The following AGBL1 variants were observed in gnomAD, a reference collection of about 807,000 sequenced individuals.
AGBL1 encodes the protein AGBL carboxypeptidase 1.
AGBL1 carries 130 observed loss-of-function variants against 118.9 expected under a neutral mutation model. The ratio of observed to expected loss-of-function variants is 1.09; its 90% CI spans 0.95 to 1.26. AGBL1 has a LOEUF of 1.26. AGBL1 is among the 50% of genes most tolerant of loss of function. The pLI, the probability that AGBL1 is intolerant of heterozygous loss-of-function variation, is 0.00. For synonymous variants in AGBL1, 555 were observed against 478.9 expected (o/e 1.16, Z -2.08); for missense variants, 1,584 against 1,298.1 (o/e 1.22, Z -3.38).
chr15:86,824,406 C>G (rs1442556559), intron 22 of AGBL1, among the ~76,000 whole-genome samples: 1 of 151,952 alleles, frequency 6.6e-6, no homozygotes, highest in Non-Finnish European at 1.5e-5. Context: ...GGTATGATTA[C>G]AATTATAAAA....
At chr15:86,690,335 G>A (rs115470262) in intron 22 of AGBL1, among the ~76,000 whole-genome samples, 1 of 152,182 alleles carries the variant, frequency 6.6e-6, no homozygotes, top group African/African-American at 2.4e-5. Context: ...TACAGTGTTT[G>A]GAAAGACTTA....
chr15:86,665,729 A>C (rs1390020492), intron 21 of AGBL1, among the ~76,000 whole-genome samples: 2 of 152,040 alleles, frequency 1.3e-5, no homozygotes, highest in African/African-American at 2.4e-5. Flanking sequence ...TTTTATCATT[A>C]AATTCTTTGA....
At chr15:86,828,715 A>G (rs1349653) in intron 22 of AGBL1, among the ~76,000 whole-genome samples, 141,127 of 152,126 alleles carry the variant, frequency 0.93, 65,601 homozygotes, top group East Asian at 1. Flanking sequence ...TCAGAAATAT[A>G]ACAGAATACA....
intron 18 of AGBL1, among the ~76,000 whole-genome samples, chr15:86,497,231 T>C (rs964559995): frequency 2.7e-4 from 41 of 152,154 alleles, no homozygotes; most frequent in African/African-American, 9.4e-4. Context: ...GTGCCTTTTT[T>C]GCTTCTTTCT....
At chr15:86,764,570 C>G (rs1440721740) in intron 22 of AGBL1, among the ~76,000 whole-genome samples, 2 of 152,052 alleles carry the variant, frequency 1.3e-5, no homozygotes, top group African/African-American at 4.8e-5. Flanking sequence ...CCTGTATACT[C>G]TTACATTTTA....
chr15:86,436,198 G>A (rs767044066), intron 18 of AGBL1, among the ~76,000 whole-genome samples: 8 of 150,556 alleles, frequency 5.3e-5, no homozygotes, highest in Non-Finnish European at 8.8e-5. Context: ...GGTGGAGAAG[G>A]TGTGTAGGGA....
At chr15:86,582,321 G>A (rs11858967) in intron 21 of AGBL1, among the ~76,000 whole-genome samples, 31,503 of 152,004 alleles carry the variant, frequency 0.21, 3,437 homozygotes, top group East Asian at 0.28. Context: ...GCCAGGGTCA[G>A]GGAAATAGAT....
intron 3 of AGBL1, among the ~76,000 whole-genome samples, chr15:86,145,684 A>G (rs895282058): frequency 1.3e-5 from 2 of 152,192 alleles, no homozygotes; most frequent in African/African-American, 4.8e-5. Context: ...TGTCCCAGAA[A>G]AAATCAATAC....
At chr15:86,170,873 C>T (rs1057506117) in intron 5 of AGBL1, among the ~76,000 whole-genome samples, 20 of 125,902 alleles carry the variant, frequency 1.6e-4, no homozygotes, top group Admixed American at 3.0e-4. Context: ...ACAAAAAACT[C>T]AAAACCAATG....
At chr15:86,880,310 A>G (rs1475914264) in intron 22 of AGBL1, among the ~76,000 whole-genome samples, 3 of 152,206 alleles carry the variant, frequency 2.0e-5, no homozygotes, top group African/African-American at 7.2e-5. Context: ...CAGACCCTTC[A>G]CTGGGAGCTG....
At chr15:86,583,918 G>A (rs184331814) in intron 21 of AGBL1, among the ~76,000 whole-genome samples, 121 of 152,190 alleles carry the variant, frequency 8.0e-4, no homozygotes, top group African/African-American at 2.9e-3. Context: ...TTATGGTTTT[G>A]ATTTGCATTT....
intron 17 of AGBL1, among the ~76,000 whole-genome samples, chr15:86,364,854 C>G (rs1281744264): frequency 6.6e-6 from 1 of 150,882 alleles, no homozygotes. Context: ...AATATCAGAA[C>G]TTGTCCTAAT....
intron 16 of AGBL1, among the ~76,000 whole-genome samples, chr15:86,290,283 A>G (rs1597687590): frequency 1.4e-5 from 2 of 143,278 alleles, no homozygotes; most frequent in Non-Finnish European, 3.1e-5. Context: ...GTCTTTTTAT[A>G]TTGCTTTTCT....
intron 18 of AGBL1, among the ~76,000 whole-genome samples, chr15:86,443,304 C>CT (rs1184340237): frequency 1.3e-5 from 2 of 152,136 alleles, no homozygotes; most frequent in Non-Finnish European, 2.9e-5. Flanking sequence ...ACATTCTTTT[C>CT]TTTTTTCCAC....
At chr15:86,604,799 T>TC (rs1374235415) in intron 21 of AGBL1, among the ~76,000 whole-genome samples, 1 of 145,292 alleles carries the variant, frequency 6.9e-6, no homozygotes, top group Non-Finnish European at 1.5e-5. Context: ...TTTTCTTTCT[T>TC]TTTTTTTTTT....
chr15:86,361,970 C>T (rs991814754), intron 17 of AGBL1, among the ~76,000 whole-genome samples: 12 of 152,042 alleles, frequency 7.9e-5, no homozygotes, highest in African/African-American at 2.7e-4. Flanking sequence ...TTAGTCTTGC[C>T]ATTTTGTTAA....
At chr15:86,095,376 C>G (rs182817022) in intron 1 of AGBL1, among the ~76,000 whole-genome samples, 67 of 152,226 alleles carry the variant, frequency 4.4e-4, no homozygotes, top group African/African-American at 1.6e-3. Context: ...ATGTCTTAGT[C>G]TTTCTGGCAA....
chr15:86,702,182 C>G (rs770670738), intron 22 of AGBL1, among the ~76,000 whole-genome samples: 2 of 152,072 alleles, frequency 1.3e-5, no homozygotes, highest in Non-Finnish European at 2.9e-5. Flanking sequence ...GAGAGGTTTA[C>G]TTTTTAGTTT....
intron 5 of AGBL1, among the ~76,000 whole-genome samples, chr15:86,187,975 G>A (rs954404337): frequency 2.6e-5 from 4 of 152,322 alleles, no homozygotes; most frequent in African/African-American, 7.2e-5. Context: ...AATAGATACA[G>A]TACAGAAAGG....
Sources: gnomAD v4.1 joint callset for allele counts (sites outside exome capture counted in the v4.1 genomes callset) on GRCh38, gnomAD v4.1.1 for gene constraint, MANE v1.5 for transcripts, NCBI Gene and HGNC (gene_info 2026-07-23, HGNC 2026-07-21) for gene names.